The following NAV2 variants were observed in gnomAD, a reference collection of about 807,000 sequenced individuals.
The protein encoded by NAV2 is neuron navigator 2.
In NAV2, 54 loss-of-function variants were observed where a neutral mutation model predicts 223.2. The observed-to-expected ratio is 0.24, with a 90% CI of 0.19 to 0.30. NAV2 has a LOEUF of 0.30. Ranked by LOEUF, NAV2 falls within the 10% of genes least tolerant of loss-of-function variation. The probability of loss-of-function intolerance (pLI) is 1.00; values close to 1 mark genes in which losing one functional copy is unlikely to be tolerated. For missense variants in NAV2, 2,806 were observed against 3,147.5 expected, an observed-to-expected ratio of 0.89 and a Z score of 2.60; for synonymous variants, 1,279 against 1,239.3, an observed-to-expected ratio of 1.03 and a Z score of -0.67.
At chr11:19,949,721 T>C (rs1017248278) in intron 10 of NAV2, among the ~76,000 whole-genome samples, 3 of 152,214 alleles carry the variant, frequency 2.0e-5, no homozygotes, top group Non-Finnish European at 4.4e-5. Flanking sequence ...AGCCTGATTA[T>C]GTGTATATCC....
intron 6 of NAV2, among the ~76,000 whole-genome samples, chr11:19,918,175 A>T (rs78207771): frequency 5.3e-5 from 8 of 152,224 alleles, no homozygotes; most frequent in African/African-American, 1.2e-4. Flanking sequence ...TCCTGCCTTC[A>T]TCTTCTCCTT....
chr11:19,471,492 T>C (rs967183758), intron 1 of NAV2, among the ~76,000 whole-genome samples: 1 of 152,158 alleles, frequency 6.6e-6, no homozygotes, highest in African/African-American at 2.4e-5. Context: ...ATCTCTTCAG[T>C]AAGATTTCCT....
rs774353974 is a variant in NAV2, at chr11:20,105,738, G to A, written c.6841+11G>A. 2.4e-5 allele frequency: 39 copies of A among 1,607,764 alleles called. No individual in the cohort carries two copies. On this transcript the variant is annotated intron_variant, in intron 35 of 37. Transcript: ENST00000349880. ...CGGACGTCACCATCGGTGGGTGGGA[G>A]ACTGGGGTCAGGGGGGCGGGCTGGC...
chr11:20,093,437 C>T (rs183292865), intron 29 of NAV2, among the ~76,000 whole-genome samples: 4 of 152,242 alleles, frequency 2.6e-5, no homozygotes, highest in African/African-American at 9.6e-5. Flanking sequence ...AAAAATGGTC[C>T]CACGTTTCAC....
intron 5 of NAV2, among the ~76,000 whole-genome samples, chr11:19,888,638 A>G (rs970485154): frequency 6.6e-6 from 1 of 152,168 alleles, no homozygotes. Context: ...TCCAAGCTCC[A>G]TAGTGTAGCA....
At chr11:19,754,945 T>C (rs895634185) in intron 1 of NAV2, among the ~76,000 whole-genome samples, 11 of 152,180 alleles carry the variant, frequency 7.2e-5, no homozygotes, top group African/African-American at 2.4e-4. Flanking sequence ...GATTCTTTCC[T>C]GTGAACTCTG....
intron 11 of NAV2, among the ~76,000 whole-genome samples, chr11:20,031,912 C>T (rs2055795561): frequency 6.6e-6 from 1 of 152,036 alleles, no homozygotes; most frequent in South Asian, 2.1e-4. Flanking sequence ...CAGGAGATTC[C>T]ACATTCCCTT....
chr11:19,653,776 C>A (rs903255201), intron 1 of NAV2, among the ~76,000 whole-genome samples: 1 of 152,184 alleles, frequency 6.6e-6, no homozygotes, highest in Admixed American at 6.5e-5. Context: ...ACGAGGAACA[C>A]AAAGCTTAGA....
At chr11:19,415,894 C>G (rs1459142756) in intron 1 of NAV2, among the ~76,000 whole-genome samples, 1 of 151,990 alleles carries the variant, frequency 6.6e-6, no homozygotes, top group Non-Finnish European at 1.5e-5. Flanking sequence ...AAATTCAACA[C>G]CCCTTCATGC....
At chr11:19,664,074 C>T (rs2048352573) in intron 1 of NAV2, among the ~76,000 whole-genome samples, 1 of 152,176 alleles carries the variant, frequency 6.6e-6, no homozygotes, top group African/African-American at 2.4e-5. Flanking sequence ...GCCTTTCTTC[C>T]CTCTCAAAGG....
In NAV2 at chr11:20,092,303, C is replaced by T. The variant is rs575666602; in HGVS notation, c.5750C>T (p.Ala1917Val). The T allele has an allele frequency of 6.2e-7, 1 of 1,614,198 alleles. No homozygotes were observed. Among genetic ancestry groups the T allele is most frequent in the South Asian group, 1.1e-5 (1 of 91,078 alleles). Residue 1917 changes from alanine to valine, a missense_variant, in exon 28 of 38, where the codon GCC becomes GTC. By Grantham distance (64) the Ala-to-Val change is moderately conservative. This residue lies in a region of NAV2 where 824 missense variants were observed against 1,069.4 expected (regional missense o/e 0.77). Transcript: ENST00000349880. ...SRAPSQVSIS[A>V]SPRQSMGLSQ... ...GCTCCTTCCCAAGTGTCCATCTCTG[C>T]CTCCCCGAGGCAGTCCATGGGCCTC...
chr11:19,946,287 A>G, intron 8 of NAV2, 114 bp from the exon 9 acceptor site: 1 of 851,308 alleles, frequency 1.2e-6, no homozygotes, highest in Non-Finnish European at 1.7e-6. Flanking sequence ...AAGCACCCAC[A>G]GCAAGGCACG....
chr11:20,085,421 TAG>T (rs1287978883), intron 26 of NAV2, among the ~76,000 whole-genome samples: 1 of 151,974 alleles, frequency 6.6e-6, no homozygotes, highest in Non-Finnish European at 1.5e-5. Context: ...CTAGGAAAAT[TAG>T]AGAGTGCTAA....
chr11:19,840,666 C>A lies in NAV2; in HGVS notation c.386-2205C>A, dbSNP rs934457742. On this transcript the variant is annotated intron_variant, in intron 2 of 37. Transcript: ENST00000349880. ...TAATTTCCCAGGTATGGAAGAGTGCCATCTGTCAAGTGTTTGGTTTTTTTG... is the reference window on the plus strand; with the variant it reads ...TAATTTCCCAGGTATGGAAGAGTGCAATCTGTCAAGTGTTTGGTTTTTTTG... Among the ~76,000 whole-genome samples the A allele has an allele frequency of 1.1e-4, 17 of 152,232 alleles. No individual in the cohort carries two copies. In the Middle Eastern group the frequency reaches 0.017, roughly 152 times the overall value.
At chr11:19,599,588 C>T (rs1442097909) in intron 1 of NAV2, among the ~76,000 whole-genome samples, 6 of 152,186 alleles carry the variant, frequency 3.9e-5, no homozygotes, top group Non-Finnish European at 8.8e-5. Flanking sequence ...ACGAAAACTG[C>T]CTCATCAAAC....
chr11:19,908,383 G>A (rs2165799), intron 6 of NAV2, among the ~76,000 whole-genome samples: 9 of 152,056 alleles, frequency 5.9e-5, no homozygotes, highest in African/African-American at 9.7e-5. Context: ...TCCTTCCTCC[G>A]TTAACCTCTT....
chr11:19,684,658 C>A (rs2048971026), intron 1 of NAV2, among the ~76,000 whole-genome samples: 1 of 152,080 alleles, frequency 6.6e-6, no homozygotes, highest in African/African-American at 2.4e-5. Context: ...CACTCAAGGC[C>A]CCCCCACACT....
At chr11:19,775,345 C>T (rs1030669505) in intron 1 of NAV2, among the ~76,000 whole-genome samples, 28 of 152,164 alleles carry the variant, frequency 1.8e-4, no homozygotes, top group African/African-American at 6.5e-4. Context: ...CATAGAAGGG[C>T]CTCTTGTAGT....
At chr11:19,894,968 G>T (rs1050958653) in intron 6 of NAV2, among the ~76,000 whole-genome samples, 6 of 151,510 alleles carry the variant, frequency 4.0e-5, no homozygotes, top group Non-Finnish European at 8.9e-5. Flanking sequence ...AACCTCAGTT[G>T]ATCCGCCCGC....
Sources: gnomAD v4.1 joint callset for allele counts (sites outside exome capture counted in the v4.1 genomes callset) on GRCh38, gnomAD v4.1.1 for gene constraint, gnomAD v4.1.1 regional missense constraint, MANE v1.5 for transcripts, NCBI Gene and HGNC (gene_info 2026-07-23, HGNC 2026-07-21) for gene names.